CNNM2: variants seen among roughly 807,000 people sequenced by gnomAD.
CNNM2 encodes the protein cyclin and CBS domain divalent metal cation transport mediator 2.
In CNNM2, 12 loss-of-function variants were observed where a neutral mutation model predicts 66.9. The ratio of observed to expected loss-of-function variants is 0.18; its 90% CI spans 0.11 to 0.29. CNNM2 has a LOEUF of 0.29. Ranked by LOEUF, CNNM2 falls within the 10% of genes least tolerant of loss-of-function variation. CNNM2 has a pLI of 1.00. For missense variants in CNNM2, 705 were observed against 1,167.7 expected (o/e 0.60, Z 5.77); for synonymous variants, 557 against 501.8 (o/e 1.11, Z -1.47).
chr10:103,050,801 A>G (rs938894278), intron 2 of CNNM2, among the ~76,000 whole-genome samples: 1 of 152,100 alleles, frequency 6.6e-6, no homozygotes, highest in Non-Finnish European at 1.5e-5. Context: ...TGAGGTAAGT[A>G]TGGATACCTT....
At chr10:102,967,187 A>G (rs933400337) in intron 1 of CNNM2, among the ~76,000 whole-genome samples, 29 of 152,188 alleles carry the variant, frequency 1.9e-4, no homozygotes, top group Non-Finnish European at 4.0e-4. Flanking sequence ...TCCTGGCCAC[A>G]AACAGTCCTC....
At chr10:102,991,609 C>T (rs766007438) in intron 1 of CNNM2, among the ~76,000 whole-genome samples, 3 of 152,032 alleles carry the variant, frequency 2.0e-5, no homozygotes, top group Non-Finnish European at 4.4e-5. Flanking sequence ...TAAAGCTATA[C>T]TAATTTGGAG....
chr10:103,068,348 T>C, intron 4 of CNNM2: 1 of 334,402 alleles, frequency 3.0e-6, no homozygotes, highest in South Asian at 3.9e-5. Flanking sequence ...GATCTATCTC[T>C]ACAAAGAAAA....
intron 1 of CNNM2, among the ~76,000 whole-genome samples, chr10:103,008,664 A>G (rs558401205): frequency 6.6e-6 from 1 of 151,882 alleles, no homozygotes; most frequent in Non-Finnish European, 1.5e-5. Context: ...CTGTAGTCCT[A>G]GCTACCAGGG....
intron 1 of CNNM2, among the ~76,000 whole-genome samples, chr10:102,951,363 A>G (rs886750246): frequency 1.3e-5 from 2 of 151,482 alleles, no homozygotes; most frequent in Admixed American, 6.6e-5. Context: ...TGCCCTGATA[A>G]TTTTTGTATT....
intron 1 of CNNM2, among the ~76,000 whole-genome samples, chr10:103,015,088 G>A (rs1411593921): frequency 6.6e-6 from 1 of 152,044 alleles, no homozygotes; most frequent in Non-Finnish European, 1.5e-5. Flanking sequence ...TGAGTGTAAT[G>A]GTTACAAAAA....
At chr10:103,053,589 G>C (rs1016384726) in intron 2 of CNNM2, among the ~76,000 whole-genome samples, 4 of 152,212 alleles carry the variant, frequency 2.6e-5, no homozygotes, top group East Asian at 1.9e-4. Context: ...TCAAATTGCA[G>C]TGTTCATAAA....
At chr10:102,973,147 T>C (rs188932710) in intron 1 of CNNM2, among the ~76,000 whole-genome samples, 268 of 152,098 alleles carry the variant, frequency 1.8e-3, no homozygotes, top group African/African-American at 5.9e-3. Context: ...TTTTTTTTTT[T>C]CCATACTGGC....
chr10:102,979,432 C>T (rs1299315991), intron 1 of CNNM2, among the ~76,000 whole-genome samples: 1 of 152,192 alleles, frequency 6.6e-6, no homozygotes, highest in Non-Finnish European at 1.5e-5. Flanking sequence ...TACCACCTAG[C>T]TATGTTACCT....
At chr10:103,053,741 G>A (rs977472754) in intron 2 of CNNM2, among the ~76,000 whole-genome samples, 1 of 152,214 alleles carries the variant, frequency 6.6e-6, no homozygotes, top group East Asian at 1.9e-4. Context: ...GATCCCATTC[G>A]TATCTGCTTG....
intron 1 of CNNM2, among the ~76,000 whole-genome samples, chr10:102,948,938 G>C (rs577768355): frequency 1.3e-5 from 2 of 152,142 alleles, no homozygotes; most frequent in Non-Finnish European, 2.9e-5. Flanking sequence ...AAAAGTCAAA[G>C]ATCATGCAGT....
At chr10:103,038,894 A>T (rs1169777223) in intron 1 of CNNM2, among the ~76,000 whole-genome samples, 1 of 152,140 alleles carries the variant, frequency 6.6e-6, no homozygotes, top group Non-Finnish European at 1.5e-5. Flanking sequence ...ATATAGGACT[A>T]TTTTAAGATC....
At chr10:102,957,927 A>G (rs1466921340) in intron 1 of CNNM2, among the ~76,000 whole-genome samples, 3 of 152,098 alleles carry the variant, frequency 2.0e-5, no homozygotes, top group African/African-American at 7.2e-5. Context: ...GGGATATTTC[A>G]GAAGCTCTAC....
At position 103,078,805 on chromosome 10, in the gene CNNM2, G is replaced by T. The variant is rs1229047901; in HGVS notation, c.*1625G>T. On this transcript the variant is annotated 3_prime_UTR_variant, in exon 8 of 8. Coordinates refer to ENST00000369878, the MANE Select transcript of CNNM2 (RefSeq NM_017649.5). ...GTTTTCTTCTCCCTACTCCAGGTAG[G>T]AAGTCTGTTCAGCCACGGCTGGGCT... 6.6e-6 allele frequency: 1 copy of T among 152,366 alleles called. No homozygotes were observed. Among genetic ancestry groups the T allele is most frequent in the East Asian group, 1.9e-4 (1 of 5,182 alleles). 9.4% of individuals were successfully genotyped at this position (152,366 alleles called of 1,614,324 possible).
At chr10:103,063,031 G>GT (rs2065415149) in intron 4 of CNNM2, among the ~76,000 whole-genome samples, 1 of 152,220 alleles carries the variant, frequency 6.6e-6, no homozygotes. Context: ...GATGCTCCAA[G>GT]TAATACCACG....
In CNNM2 at chr10:103,068,726, T is replaced by C. The variant is rs1295017214; in HGVS notation, c.2167+4T>C. On this transcript the variant is annotated splice_donor_region_variant and intron_variant, in intron 5 of 7. Coordinates refer to ENST00000369878, the MANE Select transcript of CNNM2 (RefSeq NM_017649.5). Reference sequence around the variant, plus strand: ...ATGGCCCTGACAGCCTCTCCAGGTATGTTTGGTTCCCAGCCGCATAGGGCA... The same window carrying C: ...ATGGCCCTGACAGCCTCTCCAGGTACGTTTGGTTCCCAGCCGCATAGGGCA... 9.3e-6 allele frequency: 15 copies of C among 1,610,460 alleles called. No homozygotes were observed. Among genetic ancestry groups the C allele is most frequent in the Non-Finnish European group, 1.1e-5 (13 of 1,178,148 alleles).
chr10:103,045,570 T>C (rs541621025), intron 1 of CNNM2, among the ~76,000 whole-genome samples: 28 of 152,226 alleles, frequency 1.8e-4, no homozygotes, highest in Admixed American at 2.6e-4. Flanking sequence ...CTAAACTTTA[T>C]TTAAAGCTCT....
intron 5 of CNNM2, among the ~76,000 whole-genome samples, 200 bp from the exon 6 acceptor site, chr10:103,071,574 G>A (rs374195220): frequency 6.6e-6 from 1 of 152,182 alleles, no homozygotes; most frequent in Non-Finnish European, 1.5e-5. Flanking sequence ...GATTTCTCCT[G>A]ATCTTGGCCT....
At chr10:103,068,184 G>A (rs1328292463) in intron 4 of CNNM2, among the ~76,000 whole-genome samples, 1 of 152,126 alleles carries the variant, frequency 6.6e-6, no homozygotes. Context: ...CAGATATTGG[G>A]AAGATACTAA....
Sources: gnomAD v4.1 joint callset for allele counts (sites outside exome capture counted in the v4.1 genomes callset) on GRCh38, gnomAD v4.1.1 for gene constraint, MANE v1.5 for transcripts, NCBI Gene and HGNC (gene_info 2026-07-23, HGNC 2026-07-21) for gene names.